The following ACOT11 variants were observed in gnomAD, a reference collection of about 807,000 sequenced individuals.
ACOT11 encodes the protein acyl-CoA thioesterase 11, also known as acyl-coenzyme A thioesterase 11.
In ACOT11, 69 loss-of-function variants were observed where a neutral mutation model predicts 77.5. The ratio of observed to expected loss-of-function variants is 0.89; its 90% CI spans 0.73 to 1.09. ACOT11 has a LOEUF of 1.09. ACOT11 is among the 50% of genes least tolerant of loss of function. The probability of loss-of-function intolerance (pLI) is 0.00; values close to 1 mark genes in which losing one functional copy is unlikely to be tolerated. For missense variants in ACOT11, 766 were observed against 813.7 expected, an observed-to-expected ratio of 0.94 and a Z score of 0.71; for synonymous variants, 279 against 313.0, an observed-to-expected ratio of 0.89 and a Z score of 1.15.
intron 15 of ACOT11, among the ~76,000 whole-genome samples, chr1:54,619,149 G>C (rs1177616904): frequency 2.0e-5 from 3 of 152,166 alleles, no homozygotes; most frequent in African/African-American, 7.2e-5. Flanking sequence ...CTTGAGGGTG[G>C]GGCCAGCAGC....
At chr1:54,623,037 G>C (rs1180857856) in intron 15 of ACOT11, among the ~76,000 whole-genome samples, 2 of 151,838 alleles carry the variant, frequency 1.3e-5, no homozygotes, top group Non-Finnish European at 2.9e-5. Flanking sequence ...TTAGCTGGGC[G>C]TGGTGGCGGG....
rs188335483 is a variant in ACOT11, at chr1:54,616,329, G to A, written c.1629+8261G>A. 2.3e-4 allele frequency among the ~76,000 whole-genome samples: 35 copies of A among 152,154 alleles called. No individual in the cohort carries two copies. In the East Asian group the frequency reaches 2.5e-3, roughly 11 times the overall value. On this transcript the variant is annotated intron_variant, in intron 15 of 16. Transcript: ENST00000371316. ...CACTTCCATCATAGTTTCACATTTC[G>A]ATGATTTTTTTTCTTCCATTTTCTT...
chr1:54,608,481 C>T (rs754819149), intron 15 of ACOT11, among the ~76,000 whole-genome samples: 1 of 152,072 alleles, frequency 6.6e-6, no homozygotes, highest in Non-Finnish European at 1.5e-5. Context: ...GCAGCCTCCC[C>T]CCTCACAGCT....
At chr1:54,554,133 A>G (rs1311654738) in intron 1 of ACOT11, among the ~76,000 whole-genome samples, 2 of 151,616 alleles carry the variant, frequency 1.3e-5, no homozygotes, top group Non-Finnish European at 2.9e-5. Flanking sequence ...AAGTTATTGC[A>G]TTTCAGCCTG....
chr1:54,608,869 C>A, intron 15 of ACOT11, 88 bp from the exon 16 acceptor site: 2 of 1,338,936 alleles, frequency 1.5e-6, no homozygotes, highest in East Asian at 2.3e-5. Flanking sequence ...GGCTGACTCA[C>A]CACCAGCCTC....
In ACOT11 at chr1:54,548,326, G is replaced by A; in HGVS notation, c.17G>A (p.Gly6Glu). The A allele has an allele frequency of 6.2e-7, 1 of 1,602,630 alleles. No homozygotes were observed. ...CCCGGCGCGATGATCCAGAATGTCG[G>A]AAATCACCTGCGACGGGTATGGAGG... MIQNV[G>E]NHLRRGLASV... Residue 6 changes from glycine (G) to glutamate (E), a missense_variant, in exon 1 of 16, where the codon GGA becomes GAA. Transcript: ENST00000343744.
chr1:54,619,320 C>T (rs1053318870), intron 15 of ACOT11, among the ~76,000 whole-genome samples: 6 of 152,204 alleles, frequency 3.9e-5, no homozygotes, highest in African/African-American at 1.2e-4. Context: ...TGGCTTGGAG[C>T]GTGCACTCTG....
downstream of ACOT11, chr1:54,610,617 G>A: frequency 6.3e-7 from 1 of 1,575,784 alleles, no homozygotes; most frequent in Non-Finnish European, 8.6e-7. Context: ...TTACCTGGTT[G>A]CTAGGGTCCC....
downstream of ACOT11, chr1:54,610,584 G>C (rs1163878928): frequency 6.2e-7 from 1 of 1,603,030 alleles, no homozygotes; most frequent in Admixed American, 1.7e-5. Flanking sequence ...CCAAGGTGAA[G>C]TGGCTGCCAT....
intron 15 of ACOT11, among the ~76,000 whole-genome samples, chr1:54,626,672 C>T (rs1644274750): frequency 1.2e-5 from 1 of 81,222 alleles, no homozygotes; most frequent in South Asian, 3.9e-4. Context: ...CACCCATTTA[C>T]AATGGGACAG....
chr1:54,574,343 G>A (rs141133822), intron 1 of ACOT11, among the ~76,000 whole-genome samples: 69 of 152,162 alleles, frequency 4.5e-4, no homozygotes, highest in African/African-American at 1.2e-3. Flanking sequence ...GCTGCCCCTC[G>A]GTGTAGCAGA....
chr1:54,609,359 A>G lies in ACOT11; in HGVS notation c.*247A>G, dbSNP rs1644082135. The G allele has an allele frequency of 6.2e-7, 1 of 1,614,058 alleles. No homozygotes were observed. Among genetic ancestry groups the G allele is most frequent in the African/African-American group, 1.3e-5 (1 of 74,928 alleles). ...GGTCCTGTCCACAGCCCTAGCTGCCAGCAATGCTGTCCTCACAGAGGCATA... is the reference window on the plus strand; with the variant it reads ...GGTCCTGTCCACAGCCCTAGCTGCCGGCAATGCTGTCCTCACAGAGGCATA... On this transcript the variant is annotated 3_prime_UTR_variant, in exon 16 of 16. Coordinates refer to ENST00000343744, the MANE Select transcript of ACOT11 (RefSeq NM_147161.4).
At chr1:54,608,794 C>T (rs1644067050) in intron 15 of ACOT11, among the ~76,000 whole-genome samples, 163 bp from the exon 16 acceptor site, 1 of 152,024 alleles carries the variant, frequency 6.6e-6, no homozygotes, top group Admixed American at 6.5e-5. Flanking sequence ...TCATGCTGGG[C>T]AACTGTGTAA....
At position 54,609,417 on chromosome 1, in the gene ACOT11, C is replaced by T. The variant is rs199668243; in HGVS notation, c.*305C>T. The T allele has an allele frequency of 1.3e-4, 206 of 1,613,956 alleles. No individual in the cohort carries two copies. The East Asian group carries it at 2.3e-3, about 18-fold the overall frequency. On this transcript the variant is annotated 3_prime_UTR_variant, in exon 16 of 16. Transcript: ENST00000343744. Reference sequence around the variant, plus strand: ...CCAGCTGGGTTGTGCTCCACTGTGACGGTGGCCCGGGGGGAGGATGCCAGC... The same window carrying T: ...CCAGCTGGGTTGTGCTCCACTGTGATGGTGGCCCGGGGGGAGGATGCCAGC...
intron 1 of ACOT11, among the ~76,000 whole-genome samples, chr1:54,555,778 TC>T (rs1305641660): frequency 6.6e-6 from 1 of 152,110 alleles, no homozygotes; most frequent in South Asian, 2.1e-4. Flanking sequence ...GGAGTCTCAC[TC>T]TGTCGCCTAG....
At chr1:54,562,584 G>A (rs1199135976) in intron 1 of ACOT11, among the ~76,000 whole-genome samples, 1 of 148,308 alleles carries the variant, frequency 6.7e-6, no homozygotes, top group Non-Finnish European at 1.5e-5. Flanking sequence ...GTGGCTGCCG[G>A]GCGGAGAGGC....
chr1:54,616,205 T>C (rs1460291853), intron 15 of ACOT11: 2 of 1,564,098 alleles, frequency 1.3e-6, no homozygotes, highest in East Asian at 4.5e-5. Flanking sequence ...GTGAGTTCCT[T>C]TTTTTAAAAA....
chr1:54,582,663 C>A, intron 1 of ACOT11: 1 of 352,812 alleles, frequency 2.8e-6, no homozygotes. Flanking sequence ...TGCCCGTGTT[C>A]CCTTGTTGGT....
At chr1:54,560,816 G>A (rs1389149412) in intron 1 of ACOT11, among the ~76,000 whole-genome samples, 1 of 152,134 alleles carries the variant, frequency 6.6e-6, no homozygotes. Flanking sequence ...CCGCCTCCTG[G>A]GTTCAAGCAA....
Sources: gnomAD v4.1 joint callset for allele counts (sites outside exome capture counted in the v4.1 genomes callset) on GRCh38, gnomAD v4.1.1 for gene constraint, MANE v1.5 for transcripts, NCBI Gene and HGNC (gene_info 2026-07-23, HGNC 2026-07-21) for gene names.